The following WWOX variants were observed in gnomAD, a reference collection of about 807,000 sequenced individuals.
WWOX encodes WW domain-containing oxidoreductase.
Under a neutral mutation model 46.2 loss-of-function variants are expected in WWOX, and 69 were observed. That is an observed-to-expected ratio of 1.49 (90% CI 1.23 to 1.82). The LOEUF (loss-of-function observed/expected upper bound fraction) is 1.82. Among genes scored for constraint, WWOX ranks in the 40% most tolerant of loss-of-function variants. The pLI, the probability that WWOX is intolerant of heterozygous loss-of-function variation, is 0.00. For synonymous variants in WWOX, 359 were observed against 202.6 expected (o/e 1.77, Z -6.56); for missense variants, 919 against 542.6 (o/e 1.69, Z -6.89).
In WWOX at chr16:78,725,928, C is replaced by A. The variant is rs999098508; in HGVS notation, c.1056+293176C>A. On this transcript the variant is annotated intron_variant, in intron 8 of 8. Transcript: ENST00000566780. ...TACTCCTTTTCTTCTCTTTTTTCTC[C>A]TTTCCTTTTCTTTCCTCTTCCCTTT... Among the ~76,000 whole-genome samples the A allele has an allele frequency of 3.3e-5, 5 of 151,808 alleles. No individual in the cohort carries two copies. In the East Asian group the frequency reaches 9.8e-4, roughly 30 times the overall value.
intron 8 of WWOX, among the ~76,000 whole-genome samples, chr16:78,674,229 G>C (rs2047534949): frequency 6.6e-6 from 1 of 151,562 alleles, no homozygotes; most frequent in South Asian, 2.1e-4. Context: ...GGGTGCATAA[G>C]AGAGATGTGG....
chr16:78,335,043 C>T (rs141630047), intron 5 of WWOX, among the ~76,000 whole-genome samples: 1 of 152,256 alleles, frequency 6.6e-6, no homozygotes, highest in Non-Finnish European at 1.5e-5. Context: ...CACCTGGTAG[C>T]TTGTTAGACA....
At chr16:78,561,876 G>T (rs1222404816) in intron 8 of WWOX, among the ~76,000 whole-genome samples, 1 of 152,136 alleles carries the variant, frequency 6.6e-6, no homozygotes. Flanking sequence ...TTGGTCTCTT[G>T]AGTGACCTGA....
At chr16:78,725,339 C>CT (rs921746316) in intron 8 of WWOX, among the ~76,000 whole-genome samples, 7,891 of 84,430 alleles carry the variant, frequency 0.093, 627 homozygotes, top group Non-Finnish European at 0.13. Context: ...CTTTTCTTTT[C>CT]TTTTCTTTTT....
chr16:79,118,271 A>C lies in WWOX; in HGVS notation c.1057-93337A>C, dbSNP rs28624841. Among the ~76,000 whole-genome samples, 182 of 152,334 alleles carry C rather than the reference A, an allele frequency of 1.2e-3. 3 individuals are homozygous for C. In the East Asian group the frequency reaches 0.032, roughly 27 times the overall value. On this transcript the variant is annotated intron_variant, in intron 8 of 8. Coordinates refer to ENST00000566780, the MANE Select transcript of WWOX (RefSeq NM_016373.4). ...GAGGGGGAAAGAGAAGGAGAACAGC[A>C]GGTTGCTGGAGCCAGTGTGGTATTC...
At chr16:78,753,189 A>G (rs1239044134) in intron 8 of WWOX, among the ~76,000 whole-genome samples, 2 of 151,866 alleles carry the variant, frequency 1.3e-5, no homozygotes, top group South Asian at 2.1e-4. Flanking sequence ...AATCCCAGCT[A>G]CTCTGGAGGC....
intron 6 of WWOX, among the ~76,000 whole-genome samples, chr16:78,410,439 A>G (rs1465918762): frequency 2.0e-5 from 3 of 151,878 alleles, no homozygotes; most frequent in East Asian, 1.9e-4. Context: ...CCCAGTTACT[A>G]TTTTTGTGAC....
intron 8 of WWOX, among the ~76,000 whole-genome samples, chr16:78,532,696 G>A (rs1008352333): frequency 3.3e-5 from 5 of 152,140 alleles, no homozygotes; most frequent in African/African-American, 1.2e-4. Flanking sequence ...CATCTCACAT[G>A]GCAGCAGGCA....
At chr16:79,011,503 A>ATTTT (rs879278662) in intron 8 of WWOX, among the ~76,000 whole-genome samples, 2 of 124,428 alleles carry the variant, frequency 1.6e-5, no homozygotes, top group South Asian at 2.4e-4. Context: ...TTATTTATTT[A>ATTTT]TTTTTTGAGA....
intron 8 of WWOX, among the ~76,000 whole-genome samples, chr16:78,601,367 C>T (rs977438902): frequency 5.3e-5 from 8 of 150,430 alleles, no homozygotes; most frequent in Admixed American, 6.6e-5. Context: ...TAGAAAGAAA[C>T]GGGTAAGACA....
At chr16:78,150,830 A>C (rs979200656) in intron 4 of WWOX, among the ~76,000 whole-genome samples, 1 of 152,114 alleles carries the variant, frequency 6.6e-6, no homozygotes, top group Non-Finnish European at 1.5e-5. Flanking sequence ...TCTAATTGTG[A>C]ATAATAAAAG....
intron 8 of WWOX, among the ~76,000 whole-genome samples, chr16:78,858,900 A>C (rs1043752482): frequency 2.0e-5 from 3 of 149,340 alleles, no homozygotes; most frequent in Non-Finnish European, 4.4e-5. Context: ...GCTGGTCTTG[A>C]ACTCCTGGGC....
intron 8 of WWOX, among the ~76,000 whole-genome samples, chr16:79,082,149 C>T (rs1001427628): frequency 6.6e-6 from 1 of 152,156 alleles, no homozygotes; most frequent in Non-Finnish European, 1.5e-5. Context: ...GTGGGTAAAG[C>T]CCGGGAGAGG....
chr16:78,856,152 C>G (rs1240920271), intron 8 of WWOX, among the ~76,000 whole-genome samples: 2 of 152,158 alleles, frequency 1.3e-5, no homozygotes, highest in Non-Finnish European at 2.9e-5. Context: ...AAGAGTCAGT[C>G]TGGTCCCTAG....
chr16:78,601,459 GA>G (rs914196441), intron 8 of WWOX, among the ~76,000 whole-genome samples: 2 of 150,920 alleles, frequency 1.3e-5, no homozygotes, highest in Admixed American at 6.6e-5. Context: ...AAAAAGAAAG[GA>G]AAAAAACCAG....
chr16:78,747,626 C>G (rs1597540008), intron 8 of WWOX, among the ~76,000 whole-genome samples: 2 of 152,090 alleles, frequency 1.3e-5, no homozygotes, highest in Admixed American at 6.5e-5. Flanking sequence ...CAAACCCTGC[C>G]TCTCCTCACC....
intron 5 of WWOX, among the ~76,000 whole-genome samples, chr16:78,242,799 G>T (rs889850680): frequency 7.9e-5 from 12 of 152,186 alleles, no homozygotes; most frequent in African/African-American, 2.9e-4. Context: ...CTTGAGGTCA[G>T]GAGTTCGAGA....
intron 8 of WWOX, among the ~76,000 whole-genome samples, chr16:78,771,202 A>G (rs2050055968): frequency 6.6e-6 from 1 of 152,176 alleles, no homozygotes; most frequent in Admixed American, 6.5e-5. Context: ...ACTGACCGGA[A>G]CTGACTTACT....
intron 8 of WWOX, among the ~76,000 whole-genome samples, chr16:79,131,005 C>G (rs1280333086): frequency 1.3e-5 from 2 of 152,116 alleles, no homozygotes; most frequent in African/African-American, 4.8e-5. Context: ...TGACATAATC[C>G]TTTTTTGGAT....
Sources: allele counts gnomAD v4.1 joint callset (sites outside exome capture counted in the v4.1 genomes callset), GRCh38; gene constraint gnomAD v4.1.1; transcripts MANE v1.5; gene names NCBI Gene and HGNC (gene_info 2026-07-23, HGNC 2026-07-21).